ARID3C: variants seen among roughly 807,000 people sequenced by gnomAD.
The protein encoded by ARID3C is AT-rich interactive domain-containing protein 3C.
Under a neutral mutation model 37.9 loss-of-function variants are expected in ARID3C, and 42 were observed. The observed-to-expected ratio is 1.11, with a 90% confidence interval of 0.87 to 1.43. ARID3C has a LOEUF of 1.43. Ranked by LOEUF, ARID3C falls within the 40% of genes most tolerant of loss-of-function variation. ARID3C has a pLI of 0.00. For missense variants in ARID3C, 581 were observed against 548.8 expected (o/e 1.06, Z -0.59); for synonymous variants, 213 against 228.0 (o/e 0.93, Z 0.59).
exon 4 of ARID3C, chr9:34,623,533 C>T (rs1293842706): frequency 6.4e-7 from 1 of 1,571,690 alleles, no homozygotes; most frequent in African/African-American, 1.4e-5. Context: ...GGGGCGGGGC[C>T]GGGACCCAAG....
At chr9:34,623,204 C>G (rs1193565287) in intron 4 of ARID3C, among the ~76,000 whole-genome samples, 1 of 151,712 alleles carries the variant, frequency 6.6e-6, no homozygotes, top group African/African-American at 2.4e-5. Context: ...AACTTCAGCC[C>G]CTACACTTCA....
chr9:34,624,221 G>C (rs1216775332), intron 2 of ARID3C, among the ~76,000 whole-genome samples, 174 bp from the exon 4 acceptor site: 1 of 151,840 alleles, frequency 6.6e-6, no homozygotes, highest in African/African-American at 2.4e-5. Context: ...GGCTAGAACG[G>C]GGGGGGGCAA....
chr9:34,629,538 C>T (rs1366569585), upstream of ARID3C, among the ~76,000 whole-genome samples: 4 of 152,178 alleles, frequency 2.6e-5, no homozygotes, highest in African/African-American at 9.7e-5. Flanking sequence ...GCCTTGAGCA[C>T]CCCTGCCCTG....
intron 3 of ARID3C, 70 bp from the exon 5 acceptor site, chr9:34,623,784 G>A: frequency 1.3e-6 from 2 of 1,500,460 alleles, no homozygotes; most frequent in Non-Finnish European, 1.8e-6. Flanking sequence ...ACAGCCGGAC[G>A]CCCGCCCGGG....
chr9:34,632,825 G>C (rs1306461489), upstream of ARID3C, among the ~76,000 whole-genome samples: 1 of 152,128 alleles, frequency 6.6e-6, no homozygotes, highest in East Asian at 1.9e-4. Flanking sequence ...GATATCTCAA[G>C]TCTGAGATAC....
chr9:34,623,873 A>G, exon 3 of ARID3C: 1 of 1,594,508 alleles, frequency 6.3e-7, no homozygotes, highest in Non-Finnish European at 8.5e-7. Context: ...CTGGGTGCGT[A>G]GAGTGAAGGC....
chr9:34,630,642 A>G (rs1587220399), upstream of ARID3C, among the ~76,000 whole-genome samples: 1 of 152,102 alleles, frequency 6.6e-6, no homozygotes, highest in Non-Finnish European at 1.5e-5. Flanking sequence ...TCTTCTGACC[A>G]TGGTGGGTCT....
upstream of ARID3C, among the ~76,000 whole-genome samples, chr9:34,628,583 A>G (rs1820690282): frequency 6.6e-6 from 1 of 152,134 alleles, no homozygotes; most frequent in African/African-American, 2.4e-5. The surrounding 1 kb of genome is among the most constrained non-coding windows in gnomAD (Gnocchi z 5.2). Context: ...CAGATAAAAG[A>G]CCTAAGTGAC....
At chr9:34,622,227 T>C in intron 5 of ARID3C, 118 bp from the exon 7 acceptor site, 1 of 1,561,206 alleles carries the variant, frequency 6.4e-7, no homozygotes, top group African/African-American at 1.4e-5. Context: ...CCCACACCTA[T>C]ACTCACACAG....
chr9:34,625,375 C>T (rs1012940515), intron 2 of ARID3C, among the ~76,000 whole-genome samples: 7 of 152,176 alleles, frequency 4.6e-5, no homozygotes, highest in Admixed American at 1.3e-4. Flanking sequence ...CTGTAGAGCA[C>T]GTGAGGTGTC....
rs1422006835 is a variant in ARID3C, at chr9:34,627,745, G to C, written c.270C>G (p.Pro90=). The C allele has an allele frequency of 8.1e-6, 13 of 1,614,000 alleles. No homozygotes were observed. The East Asian group carries it at 2.2e-4, about 28-fold the overall frequency. ...TCCACTCGTGGGGATGGAGTCCAGG[G>C]GGCTGGCTAGAAGGCGAGCTGGGGC... Residue 90 remains proline, a synonymous_variant, in exon 1 of 7, where the codon CCC becomes CCG. Transcript: ENST00000378909.
rs541211276 is a variant in ARID3C at position 34,627,905 on chromosome 9, G to C, written c.110C>G (p.Thr37Ser). The change falls in exon 1 of 7, where the codon ACC (threonine) becomes AGC (serine). Residue 37 changes from threonine (T) to serine (S), a missense_variant. Physicochemically the swap from Thr to Ser is moderately conservative, Grantham distance 58. Coordinates refer to ENST00000378909, the Ensembl canonical transcript of ARID3C. ...CAAGGCCCCCTCAGGGGCCTGTAGG[G>C]TCCGGTGGTCAGGCAGGGGAGGCTG... The C allele has an allele frequency of 2.6e-5, 40 of 1,560,594 alleles. No individual in the cohort carries two copies. The South Asian group carries it at 4.6e-4, about 18-fold the overall frequency.
At chr9:34,628,524 T>C (rs887636131), upstream of ARID3C, among the ~76,000 whole-genome samples, 1 of 149,038 alleles carries the variant, frequency 6.7e-6, no homozygotes. This position sits in a 1 kb window ranked among gnomAD's most constrained non-coding sequence, Gnocchi z 5.2. Context: ...TGGAGAGAGA[T>C]AGAATATTGG....
intron 4 of ARID3C, 101 bp downstream of exon 5, chr9:34,623,324 T>G (rs919855847): frequency 1.0e-5 from 14 of 1,359,970 alleles, no homozygotes; most frequent in Admixed American, 2.7e-5. Context: ...CATACCTCAA[T>G]GCCTCCCCAG....
intron 1 of ARID3C, among the ~76,000 whole-genome samples, chr9:34,627,115 G>A (rs377179742): frequency 1.4e-4 from 21 of 152,186 alleles, no homozygotes; most frequent in Non-Finnish European, 2.6e-4. Flanking sequence ...ACTATCATCC[G>A]TGGAACTCAG....
At chr9:34,629,051 G>A (rs918864391), upstream of ARID3C, among the ~76,000 whole-genome samples, 3 of 152,026 alleles carry the variant, frequency 2.0e-5, no homozygotes, top group East Asian at 1.9e-4. Flanking sequence ...GCGGCTGTGC[G>A]CTCACTCGCC....
At chr9:34,625,742 C>T (rs1267873432) in exon 2 of ARID3C, 3 of 1,613,906 alleles carry the variant, frequency 1.9e-6, no homozygotes. Context: ...TGCCACTCAC[C>T]CCTCTTTTGC....
At chr9:34,625,714 G>A (rs375003368) in intron 2 of ARID3C, 28 bp downstream of exon 3, 14 of 1,613,250 alleles carry the variant, frequency 8.7e-6, no homozygotes, top group Non-Finnish European at 1.1e-5. Context: ...GCAATTCCAG[G>A]GCCCTTCCCC....
upstream of ARID3C, among the ~76,000 whole-genome samples, chr9:34,628,937 C>T (rs1409434755): frequency 1.3e-5 from 2 of 152,062 alleles, no homozygotes; most frequent in Non-Finnish European, 2.9e-5. This position sits in a 1 kb window ranked among gnomAD's most constrained non-coding sequence, Gnocchi z 5.2. Flanking sequence ...TGGCCCGCTG[C>T]CCCTGGCGTC....
Sources: gnomAD v4.1 joint callset for allele counts (sites outside exome capture counted in the v4.1 genomes callset) on GRCh38, gnomAD v4.1.1 for gene constraint, Gnocchi (gnomAD v3.1) non-coding constraint, MANE v1.5 for transcripts, NCBI Gene and HGNC (gene_info 2026-07-23, HGNC 2026-07-21) for gene names.